PROZ: variants seen among roughly 807,000 people sequenced by gnomAD.
PROZ encodes the protein protein Z, vitamin K dependent plasma glycoprotein, also known as vitamin K-dependent protein Z.
PROZ carries 46 observed loss-of-function variants against 34.9 expected under a neutral mutation model. The ratio of observed to expected loss-of-function variants is 1.32; its 90% CI spans 1.04 to 1.69. PROZ has a LOEUF of 1.69. Ranked by LOEUF, PROZ falls within the 40% of genes most tolerant of loss-of-function variation. PROZ has a pLI of 0.00. For missense variants in PROZ, 530 were observed against 520.4 expected, an observed-to-expected ratio of 1.02 and a Z score of -0.18; for synonymous variants, 195 against 208.5, an observed-to-expected ratio of 0.94 and a Z score of 0.56.
chr13:113,161,009 T>C, intron 3 of PROZ, 37 bp downstream of exon 3: 2 of 1,584,818 alleles, frequency 1.3e-6, no homozygotes, highest in Non-Finnish European at 1.7e-6. Context: ...AAGTATTAAT[T>C]CCTCGGGATG....
In PROZ at chr13:113,171,706, G is replaced by A. The variant is rs760856245; in HGVS notation, c.804G>A (p.Glu268=). The A allele has an allele frequency of 1.3e-5, 21 of 1,613,680 alleles. No individual in the cohort carries two copies. In the Admixed American group the frequency reaches 3.3e-4, roughly 26 times the overall value. The part of the protein sequence containing the change: ...GENDLSLLEL[E]WPIQCPGAGL... ...ATGACCTGTCACTGCTGGAGCTGGA[G>A]TGGCCCATCCAGTGCCCAGGTGCGG... is the stretch of plus-strand genomic sequence containing the variant. The change falls in exon 8 of 8, where the codon GAG becomes GAA. Residue 268 remains glutamate (E), a synonymous_variant. Coordinates refer to ENST00000375547, the MANE Select transcript of PROZ (RefSeq NM_003891.3). The surrounding 1 kb of genome is among the most constrained non-coding windows in gnomAD (Gnocchi z 5.1).
intron 3 of PROZ, 110 bp downstream of exon 3, chr13:113,161,082 TC>T: frequency 1.0e-6 from 1 of 984,024 alleles, no homozygotes. Flanking sequence ...AGCCTCTGGC[TC>T]CAGGACCCAC....
intron 6 of PROZ, 29 bp downstream of exon 6, chr13:113,165,149 TTTA>T: frequency 6.3e-7 from 1 of 1,590,256 alleles, no homozygotes; most frequent in Non-Finnish European, 8.6e-7. Context: ...CGTGCTTCAA[TTTA>T]TTGTTATGAC....
rs751061513 is a variant in PROZ at position 113,171,662 on chromosome 13, G to A, written c.760G>A (p.Asp254Asn). The part of the protein sequence containing the change: ...ITHVHVHMRY[D>N]ADAGENDLSL... ...GCACGTCCATGTGCACATGCGGTAT[G>A]ACGCGGACGCGGGGGAGAATGACCT... is the stretch of plus-strand genomic sequence containing the variant. Residue 254 changes from aspartate (D) to asparagine (N), a missense_variant, in exon 8 of 8, where the codon GAC becomes AAC. Coordinates refer to ENST00000375547, the MANE Select transcript of PROZ (RefSeq NM_003891.3). This position sits in a 1 kb window ranked among gnomAD's most constrained non-coding sequence, Gnocchi z 5.1. The A allele has an allele frequency of 2.0e-5, 33 of 1,613,976 alleles. No homozygotes were observed. The East Asian group carries it at 7.3e-4, about 36-fold the overall frequency.
At chr13:113,160,901 A>G (rs2036747761) in intron 2 of PROZ, 47 bp from the exon 3 acceptor site, 2 of 1,508,512 alleles carry the variant, frequency 1.3e-6, no homozygotes, top group Non-Finnish European at 1.8e-6. Flanking sequence ...AAGAATATAG[A>G]AAAACAAATA....
At position 113,159,995 on chromosome 13, in the gene PROZ, C is replaced by G. The variant is rs1225666981; in HGVS notation, c.71-19C>G. On this transcript the variant is annotated intron_variant, in intron 1 of 7. Transcript: ENST00000375547. The surrounding 1 kb of genome is among the most constrained non-coding windows in gnomAD (Gnocchi z 4.6). ...GCCCTCGGTGCTCCCAGTCACCTGC[C>G]TTCTTGTCTCGTCTGTAGTATTTCT... 1 of 1,613,540 alleles carries G rather than the reference C, an allele frequency of 6.2e-7. No homozygotes were observed. The highest frequency in any genetic ancestry group is 1.7e-5 in the Admixed American group (1 of 60,032).
rs896261188 is a variant in PROZ at position 113,165,097 on chromosome 13, G to A, written c.550G>A (p.Asp184Asn). The change falls in exon 6 of 8, where the codon GAT becomes AAT. Residue 184 changes from aspartate (D) to asparagine (N), a missense_variant. Coordinates refer to ENST00000375547, the MANE Select transcript of PROZ (RefSeq NM_003891.3). The stretch of plus-strand genomic sequence containing the variant: ...GCTGACCTCTGAGAAGCGTGCACCG[G>A]ATCTACAGGACCTCCCGTGGCAGGT... ...GVLTSEKRAPDLQDLPWQVKL... is the reference protein window; with the variant it reads ...GVLTSEKRAPNLQDLPWQVKL... The A allele has an allele frequency of 1.9e-6, 3 of 1,612,476 alleles. No individual in the cohort carries two copies. The highest frequency in any genetic ancestry group is 8.5e-7 in the Non-Finnish European group (1 of 1,180,016).
chr13:113,163,013 C>T lies in PROZ; in HGVS notation c.264C>T (p.Gly88=). 1.9e-6 allele frequency: 3 copies of T among 1,551,798 alleles called. No individual in the cohort carries two copies. The highest frequency in any genetic ancestry group is 1.2e-5 in the South Asian group (1 of 84,230). Residue 88 remains glycine (G), a synonymous_variant, in exon 4 of 8, where the codon GGC becomes GGT. Transcript: ENST00000375547. ...ACCCCCATCCTCCTCCTGCAGGCGG[C>T]TCCCCGTGCATCTCCCAGCCCTGCC... ...TDEFWRRYKG[G]SPCISQPCLH...
chr13:113,163,836 C>T (rs531940459), intron 4 of PROZ, among the ~76,000 whole-genome samples: 1 of 152,090 alleles, frequency 6.6e-6, no homozygotes, highest in Non-Finnish European at 1.5e-5. Context: ...AACCCCCTCC[C>T]ATCCCACGTC....
At chr13:113,164,951 G>T in intron 5 of PROZ, 102 bp from the exon 6 acceptor site, 1 of 1,173,694 alleles carries the variant, frequency 8.5e-7, no homozygotes, top group Admixed American at 1.9e-5. Flanking sequence ...ATAATGGTTA[G>T]TACCATAGAC....
Position 113,159,408 on chromosome 13 carries a change from C to T in PROZ, c.71-606C>T, listed in dbSNP as rs1043805160. The T allele has an allele frequency of 2.4e-6, 2 of 825,076 alleles. No individual in the cohort carries two copies. The highest frequency in any genetic ancestry group is 3.8e-6 in the Non-Finnish European group (2 of 527,134). The allele number at this position is 825,076 out of a possible 1,614,324, so 51.1% of individuals were successfully genotyped here. A position where few individuals can be genotyped will look rare whatever the true frequency, so the allele number is the denominator to read the frequency against. Reference sequence around the variant, plus strand: ...CTTAGCTGAGCCCCCCCTGCTGTAACCCTCAGCACCGAGAGAAAAGGAGGG... The same window carrying T: ...CTTAGCTGAGCCCCCCCTGCTGTAATCCTCAGCACCGAGAGAAAAGGAGGG... On this transcript the variant is annotated intron_variant, in intron 1 of 7. Coordinates refer to ENST00000375547, the MANE Select transcript of PROZ (RefSeq NM_003891.3). The surrounding 1 kb of genome is among the most constrained non-coding windows in gnomAD (Gnocchi z 4.6).
In PROZ at chr13:113,159,221, T is replaced by C. The variant is rs2138571181; in HGVS notation, c.70+491T>C. 10 of 1,547,880 alleles carry C rather than the reference T, an allele frequency of 6.5e-6. No homozygotes were observed. Among genetic ancestry groups the C allele is most frequent in the Middle Eastern group, 1.7e-4 (1 of 5,992 alleles). Reference sequence around the variant, plus strand: ...CAGCCACTTCACTGAAGGAACGACATGGACTCCATTCTGACTCTGCCTGCA... The same window carrying C: ...CAGCCACTTCACTGAAGGAACGACACGGACTCCATTCTGACTCTGCCTGCA... On this transcript the variant is annotated intron_variant, in intron 1 of 7. Coordinates refer to ENST00000375547, the MANE Select transcript of PROZ (RefSeq NM_003891.3). This position sits in a 1 kb window ranked among gnomAD's most constrained non-coding sequence, Gnocchi z 4.6.
At chr13:113,165,407 C>T (rs2036897728) in intron 6 of PROZ, among the ~76,000 whole-genome samples, 1 of 152,244 alleles carries the variant, frequency 6.6e-6, no homozygotes, top group Admixed American at 6.5e-5. Context: ...AAAATCTCTG[C>T]TCTCGGCTGC....
At chr13:113,164,189 A>T (rs1213916803) in intron 4 of PROZ, among the ~76,000 whole-genome samples, 1 of 152,084 alleles carries the variant, frequency 6.6e-6, no homozygotes, top group Non-Finnish European at 1.5e-5. Context: ...CATGTTGGCC[A>T]GGCTGGTCTT....
At position 113,163,131 on chromosome 13, in the gene PROZ, C is replaced by T; in HGVS notation, c.373+9C>T. The stretch of plus-strand genomic sequence containing the variant: ...CAGCAACTGCGAGCTGGGTGAGGCC[C>T]CGGCCGTCCCCTTCCCCCAAGGGCC... On this transcript the variant is annotated intron_variant, in intron 4 of 7. Transcript: ENST00000375547. 1.3e-6 allele frequency: 2 copies of T among 1,542,870 alleles called. No homozygotes were observed. Among genetic ancestry groups the T allele is most frequent in the Non-Finnish European group, 1.8e-6 (2 of 1,139,222 alleles).
At chr13:113,163,844 G>A (rs982003564) in intron 4 of PROZ, among the ~76,000 whole-genome samples, 5 of 151,098 alleles carry the variant, frequency 3.3e-5, no homozygotes, top group Non-Finnish European at 5.9e-5. Context: ...CCCATCCCAC[G>A]TCCCCTCCTT....
chr13:113,166,885 C>G (rs567300839), intron 6 of PROZ, among the ~76,000 whole-genome samples: 1 of 152,214 alleles, frequency 6.6e-6, no homozygotes, highest in South Asian at 2.1e-4. Context: ...CGGTTCTAGT[C>G]TGCAACCGTA....
chr13:113,171,474 C>T lies in PROZ; in HGVS notation c.692-120C>T, dbSNP rs753662464. The T allele has an allele frequency of 6.6e-5, 84 of 1,274,498 alleles. No homozygotes were observed. Among genetic ancestry groups the T allele is most frequent in the Non-Finnish European group, 8.9e-5 (81 of 905,178 alleles). The allele number at this position is 1,274,498 out of a possible 1,614,324, so 78.9% of individuals were successfully genotyped here. A position where few individuals can be genotyped will look rare whatever the true frequency, so the allele number is the denominator to read the frequency against. Reference sequence around the variant, plus strand: ...AGTGTCCACACCACGGGGCGGTGAGCCTGCGGGTCCTCCAGGGCCGGTCTC... The same window carrying T: ...AGTGTCCACACCACGGGGCGGTGAGTCTGCGGGTCCTCCAGGGCCGGTCTC... On this transcript the variant is annotated intron_variant, in intron 7 of 7. Transcript: ENST00000375547. This position sits in a 1 kb window ranked among gnomAD's most constrained non-coding sequence, Gnocchi z 5.1.
intron 3 of PROZ, 133 bp from the exon 4 acceptor site, chr13:113,162,876 C>T (rs2036785941): frequency 1.5e-6 from 1 of 668,230 alleles, no homozygotes; most frequent in South Asian, 1.7e-5. Context: ...TGCTCAGGTC[C>T]CCGTCCCTGC....
Sources: gnomAD v4.1 joint callset for allele counts (sites outside exome capture counted in the v4.1 genomes callset) on GRCh38, gnomAD v4.1.1 for gene constraint, Gnocchi (gnomAD v3.1) non-coding constraint, MANE v1.5 for transcripts, NCBI Gene and HGNC (gene_info 2026-07-23, HGNC 2026-07-21) for gene names.